Variants in WDPCP observed in about 807,000 individuals in gnomAD.
The protein encoded by WDPCP is WD repeat-containing and planar cell polarity effector protein fritz homolog.
WDPCP carries 71 observed loss-of-function variants against 93.1 expected under a neutral mutation model. The observed-to-expected ratio is 0.76, with a 90% confidence interval of 0.63 to 0.93. The LOEUF (loss-of-function observed/expected upper bound fraction) is 0.93. WDPCP is among the 40% of genes least tolerant of loss of function. The pLI is 0.00. For missense variants in WDPCP, 844 were observed against 887.4 expected, an observed-to-expected ratio of 0.95 and a Z score of 0.62; for synonymous variants, 315 against 315.0, an observed-to-expected ratio of 1.00 and a Z score of 0.00.
intron 10 of WDPCP, among the ~76,000 whole-genome samples, chr2:63,389,216 C>T (rs921142558): frequency 6.6e-5 from 10 of 152,330 alleles, no homozygotes; most frequent in Non-Finnish European, 1.3e-4. Flanking sequence ...AGAAACATTA[C>T]AAGCCAGAAG....
At chr2:63,182,179 T>C (rs1193778942) in intron 14 of WDPCP, among the ~76,000 whole-genome samples, 1 of 152,116 alleles carries the variant, frequency 6.6e-6, no homozygotes, top group African/African-American at 2.4e-5. Context: ...GGGCTTCTAG[T>C]ATGTTGAATA....
At chr2:63,310,432 C>T (rs999298460) in intron 13 of WDPCP, among the ~76,000 whole-genome samples, 5 of 152,078 alleles carry the variant, frequency 3.3e-5, no homozygotes, top group Middle Eastern at 3.4e-3. Flanking sequence ...TTCTACAATG[C>T]AGCCTTAAGT....
intron 15 of WDPCP, among the ~76,000 whole-genome samples, chr2:63,166,127 C>T (rs539958620): frequency 1.4e-4 from 21 of 152,054 alleles, no homozygotes; most frequent in South Asian, 4.2e-4. Context: ...AGTGCAATGA[C>T]GCAGTCTAGC....
intron 2 of WDPCP, among the ~76,000 whole-genome samples, chr2:63,729,946 T>C (rs1164631764): frequency 6.6e-6 from 1 of 152,218 alleles, no homozygotes; most frequent in Non-Finnish European, 1.5e-5. Flanking sequence ...TTCTACTTGG[T>C]GCTTCATTGG....
chr2:63,139,373 C>A (rs1298962027), intron 17 of WDPCP, among the ~76,000 whole-genome samples: 1 of 152,160 alleles, frequency 6.6e-6, no homozygotes, highest in Non-Finnish European at 1.5e-5. Flanking sequence ...GGTAGTTCTA[C>A]TTTTAGTTCT....
At position 63,252,202 on chromosome 2, in the gene WDPCP, T is replaced by C. The variant is rs546658546; in HGVS notation, c.1915+7105A>G. On this transcript the variant is annotated intron_variant, in intron 14 of 17. Transcript: ENST00000272321. The stretch of plus-strand genomic sequence containing the variant: ...AACAAAAACCATATGATTATCTCAA[T>C]AGACATGGAAAAAGCCTTTGATAAA... Among the ~76,000 whole-genome samples the C allele has an allele frequency of 2.7e-4, 41 of 152,220 alleles. No homozygotes were observed. The Middle Eastern group carries it at 0.01, about 38-fold the overall frequency.
At chr2:63,838,202 A>G in the WDPCP span, among the ~76,000 whole-genome samples, 1 of 152,356 alleles carries the variant, frequency 6.6e-6, no homozygotes, top group Non-Finnish European at 1.5e-5. Flanking sequence ...TTCGCTATGT[A>G]CCAGACACTG....
chr2:63,460,401 T>C (rs554112228), intron 6 of WDPCP, among the ~76,000 whole-genome samples: 1 of 152,330 alleles, frequency 6.6e-6, no homozygotes, highest in African/African-American at 2.4e-5. Flanking sequence ...TAAGTTATAA[T>C]GTTTGATAGC....
At chr2:63,734,222 A>G (rs895105768) in intron 2 of WDPCP, among the ~76,000 whole-genome samples, 1 of 152,152 alleles carries the variant, frequency 6.6e-6, no homozygotes, top group Non-Finnish European at 1.5e-5. Flanking sequence ...TTATTCTTAC[A>G]TTCAACTAGA....
intron 12 of WDPCP, chr2:63,369,269 G>A (rs994545458): frequency 8.0e-6 from 3 of 372,994 alleles, no homozygotes; most frequent in South Asian, 6.1e-5. Context: ...AGTGAATATA[G>A]GCACTGTATG....
At chr2:63,524,555 G>A (rs1006137105) in intron 1 of WDPCP, among the ~76,000 whole-genome samples, 1 of 152,190 alleles carries the variant, frequency 6.6e-6, no homozygotes, top group Non-Finnish European at 1.5e-5. Flanking sequence ...GCCATATGCA[G>A]AAGATTGAAA....
At position 63,706,502 on chromosome 2, in the gene WDPCP, A is replaced by C. The variant is rs527980367; in HGVS notation, n.309-55664T>G. Among the ~76,000 whole-genome samples, 193 of 151,320 alleles carry C rather than the reference A, an allele frequency of 1.3e-3. 8 individuals carry two copies. The South Asian group carries it at 0.039, about 30-fold the overall frequency. ...TTAGGGCAGGCCTGGTGGTGACAGA[A>C]TCTCTCAGCATTTGCTTGTCTGTAA... On this transcript the variant is annotated intron_variant and non_coding_transcript_variant, in intron 2 of 4. Transcript: ENST00000467687.
chr2:63,358,219 T>G (rs1314554892), intron 12 of WDPCP, among the ~76,000 whole-genome samples: 1 of 152,046 alleles, frequency 6.6e-6, no homozygotes, highest in Non-Finnish European at 1.5e-5. Context: ...TTCACATGTA[T>G]CTCTGAACCT....
At chr2:63,148,597 A>AAT (rs1671683071) in intron 17 of WDPCP, among the ~76,000 whole-genome samples, 3 of 150,922 alleles carry the variant, frequency 2.0e-5, no homozygotes. Flanking sequence ...CACGTGATCC[A>AAT]CCCACTACCC....
At chr2:63,425,134 T>C (rs1044234252) in intron 9 of WDPCP, among the ~76,000 whole-genome samples, 9 of 152,332 alleles carry the variant, frequency 5.9e-5, no homozygotes, top group African/African-American at 2.2e-4. Flanking sequence ...ACACTTGGCC[T>C]TCTGAAAGCA....
intron 2 of WDPCP, among the ~76,000 whole-genome samples, chr2:63,671,810 G>T (rs931077662): frequency 6.6e-6 from 1 of 151,992 alleles, no homozygotes; most frequent in African/African-American, 2.4e-5. Context: ...CTCAATACTC[G>T]TTATATACAA....
chr2:63,496,130 TAAGAC>T lies in WDPCP; in HGVS notation c.76-3195_76-3191del, dbSNP rs750610092. On this transcript the variant is annotated intron_variant, in intron 1 of 17. Transcript: ENST00000272321. ...TAATACTAATTTATGACAATCTGCA[TAAGAC>T]AAGGCTGAAGTTTAGCTGTTTGTTG... 2.9e-4 allele frequency among the ~76,000 whole-genome samples: 44 copies of T among 152,332 alleles called. 1 individual carries two copies. The highest frequency in any genetic ancestry group is 1.2e-3 in the South Asian group (6 of 4,834).
At chr2:63,280,634 T>C (rs148812072) in intron 13 of WDPCP, among the ~76,000 whole-genome samples, 575 of 152,208 alleles carry the variant, frequency 3.8e-3, no homozygotes, top group Non-Finnish European at 4.8e-3. Context: ...AATAGGCACA[T>C]AGACCAATGG....
At chr2:63,425,462 A>C (rs1421580463) in intron 9 of WDPCP, among the ~76,000 whole-genome samples, 1 of 152,224 alleles carries the variant, frequency 6.6e-6, no homozygotes, top group African/African-American at 2.4e-5. Flanking sequence ...GTTGAAACCC[A>C]ATAGAACCCA....
Sources: gnomAD v4.1 joint callset for allele counts (sites outside exome capture counted in the v4.1 genomes callset) on GRCh38, gnomAD v4.1.1 for gene constraint, MANE v1.5 for transcripts, NCBI Gene and HGNC (gene_info 2026-07-23, HGNC 2026-07-21) for gene names.